Variants in CNTN5 observed in about 807,000 individuals in gnomAD.
CNTN5 encodes contactin 5.
A neutral mutation model predicts 129.1 loss-of-function variants in CNTN5; 77 were observed. The ratio of observed to expected loss-of-function variants is 0.60; its 90% CI spans 0.50 to 0.72. The LOEUF (loss-of-function observed/expected upper bound fraction) is 0.72, where lower values mean the gene tolerates loss of function less well. Ranked by LOEUF, CNTN5 falls within the 30% of genes least tolerant of loss-of-function variation. The pLI is 0.00. For missense variants in CNTN5, 1,478 were observed against 1,328.8 expected, an observed-to-expected ratio of 1.11 and a Z score of -1.75; for synonymous variants, 509 against 465.6, an observed-to-expected ratio of 1.09 and a Z score of -1.20.
At chr11:99,767,787 T>C in intron 3 of CNTN5, among the ~76,000 whole-genome samples, 1 of 152,096 alleles carries the variant, frequency 6.6e-6, no homozygotes, top group Non-Finnish European at 1.5e-5. Context: ...AAAGACTACA[T>C]GAATTCTTAT....
At chr11:99,136,586 CA>C (rs1859233680) in intron 1 of CNTN5, among the ~76,000 whole-genome samples, 1 of 152,100 alleles carries the variant, frequency 6.6e-6, no homozygotes, top group South Asian at 2.1e-4. Flanking sequence ...TCACATGAAC[CA>C]ACATCCATTC....
chr11:99,833,644 T>C (rs902497819), intron 4 of CNTN5, among the ~76,000 whole-genome samples: 1 of 152,174 alleles, frequency 6.6e-6, no homozygotes, highest in Non-Finnish European at 1.5e-5. Context: ...ATACGTTTGT[T>C]GAGGTGCAAT....
At chr11:99,225,638 A>G (rs1006237196) in intron 1 of CNTN5, among the ~76,000 whole-genome samples, 1 of 152,180 alleles carries the variant, frequency 6.6e-6, no homozygotes, top group Non-Finnish European at 1.5e-5. Flanking sequence ...CCAAATCTGC[A>G]TAACAATGAT....
intron 9 of CNTN5, among the ~76,000 whole-genome samples, chr11:100,026,030 A>T (rs1941402196): frequency 6.6e-6 from 1 of 152,130 alleles, no homozygotes; most frequent in Non-Finnish European, 1.5e-5. Context: ...GGCTAGGGGA[A>T]GAATGATATG....
At chr11:99,240,475 C>A (rs1456579751) in intron 1 of CNTN5, among the ~76,000 whole-genome samples, 1 of 152,116 alleles carries the variant, frequency 6.6e-6, no homozygotes, top group African/African-American at 2.4e-5. Context: ...TTTTCCACAA[C>A]ATATGGAAAG....
intron 3 of CNTN5, among the ~76,000 whole-genome samples, chr11:99,727,813 C>G (rs1332736737): frequency 1.3e-5 from 2 of 151,896 alleles, no homozygotes; most frequent in Admixed American, 1.3e-4. Context: ...GTGTTTTTGC[C>G]CATTTTAAAT....
At chr11:100,008,675 C>T (rs1940335451) in intron 9 of CNTN5, among the ~76,000 whole-genome samples, 1 of 152,084 alleles carries the variant, frequency 6.6e-6, no homozygotes, top group Non-Finnish European at 1.5e-5. Flanking sequence ...ACCAAGCTGT[C>T]CTCTAATAGC....
In CNTN5 at chr11:99,710,818, T is replaced by A. The variant is rs1445985149; in HGVS notation, c.56-108726T>A. 9.9e-5 allele frequency among the ~76,000 whole-genome samples: 15 copies of A among 151,874 alleles called. No homozygotes were observed. The South Asian group carries it at 3.1e-3, about 31-fold the overall frequency. ...GAGAGAAAAGGCAGAGATTAATAAT[T>A]TTGAATAGTTATAAAATCCTTTAGA... is the stretch of plus-strand genomic sequence containing the variant. On this transcript the variant is annotated intron_variant, in intron 3 of 24. Transcript: ENST00000524871.
At chr11:99,569,325 AT>A (rs1949104836) in intron 3 of CNTN5, among the ~76,000 whole-genome samples, 1 of 151,430 alleles carries the variant, frequency 6.6e-6, no homozygotes, top group African/African-American at 2.4e-5. Context: ...TTATTTATTT[AT>A]TTTTTGAGGC....
intron 13 of CNTN5, among the ~76,000 whole-genome samples, chr11:100,149,930 C>T (rs1336859124): frequency 6.7e-6 from 1 of 149,448 alleles, no homozygotes; most frequent in Non-Finnish European, 1.5e-5. Context: ...AAAAAAAAAT[C>T]TCATGGGGTA....
At chr11:100,160,177 T>G (rs1947397881) in intron 13 of CNTN5, among the ~76,000 whole-genome samples, 2 of 151,934 alleles carry the variant, frequency 1.3e-5, no homozygotes. Context: ...CGGTGTTTGG[T>G]TTTCTGTTTC....
intron 8 of CNTN5, among the ~76,000 whole-genome samples, chr11:99,960,926 G>A (rs11222056): frequency 0.19 from 28,508 of 152,004 alleles, 3,128 homozygotes; most frequent in African/African-American, 0.29. Flanking sequence ...GAACAGGCCA[G>A]GCACCGTGGC....
At chr11:99,936,098 G>T (rs1215038800) in intron 7 of CNTN5, among the ~76,000 whole-genome samples, 2 of 152,090 alleles carry the variant, frequency 1.3e-5, no homozygotes, top group Non-Finnish European at 2.9e-5. Context: ...AAGCAGAAGG[G>T]CTCCAAGAGC....
At chr11:99,727,273 T>C (rs1426418495) in intron 3 of CNTN5, among the ~76,000 whole-genome samples, 1 of 112,948 alleles carries the variant, frequency 8.9e-6, no homozygotes, top group African/African-American at 3.5e-5. Flanking sequence ...GCCACTGCAG[T>C]CCGCAGTCCG....
At chr11:99,856,642 T>C (rs1204942122) in intron 6 of CNTN5, among the ~76,000 whole-genome samples, 1 of 152,020 alleles carries the variant, frequency 6.6e-6, no homozygotes, top group East Asian at 1.9e-4. Flanking sequence ...AACACATTGA[T>C]CACATAGTGC....
chr11:100,224,035 A>T (rs928380716), intron 15 of CNTN5, among the ~76,000 whole-genome samples: 3 of 152,122 alleles, frequency 2.0e-5, no homozygotes, highest in African/African-American at 7.2e-5. Context: ...CTGTGTTCTA[A>T]TCATCTTGCC....
At chr11:99,099,556 AC>A (rs1866626348) in intron 1 of CNTN5, among the ~76,000 whole-genome samples, 1 of 109,074 alleles carries the variant, frequency 9.2e-6, no homozygotes, top group Non-Finnish European at 1.7e-5. Flanking sequence ...GTATACACAC[AC>A]ACACACACAC....
At chr11:99,391,541 T>TTGGTTTACAATATTCTTTTACCTATAG (rs1941260498) in intron 2 of CNTN5, among the ~76,000 whole-genome samples, 1 of 152,110 alleles carries the variant, frequency 6.6e-6, no homozygotes, top group African/African-American at 2.4e-5. Context: ...ACAGCATTGT[T>TTGGTTTACAATATTCTTTTACCTATAG]TGGTTTACAA....
At chr11:100,319,019 T>C (rs1011517520) in intron 21 of CNTN5, among the ~76,000 whole-genome samples, 10 of 152,152 alleles carry the variant, frequency 6.6e-5, no homozygotes, top group Admixed American at 1.3e-4. Context: ...TAAATACACT[T>C]GTCTAACCAT....
Sources: allele counts gnomAD v4.1 joint callset (sites outside exome capture counted in the v4.1 genomes callset), GRCh38; gene constraint gnomAD v4.1.1; transcripts MANE v1.5; gene names NCBI Gene and HGNC (gene_info 2026-07-23, HGNC 2026-07-21).